Variants in ADGRV1 observed in about 807,000 individuals in gnomAD.
The protein encoded by ADGRV1 is G-protein coupled receptor 98.
Under a neutral mutation model 596.2 loss-of-function variants are expected in ADGRV1, and 359 were observed. That is an observed-to-expected ratio of 0.60 (90% CI 0.55 to 0.66). The LOEUF is 0.66. Among genes scored for constraint, ADGRV1 ranks in the 30% least tolerant of loss-of-function variants. The pLI, the probability that ADGRV1 is intolerant of heterozygous loss-of-function variation, is 0.00. For missense variants in ADGRV1, 7,274 were observed against 7,575.6 expected (o/e 0.96, Z 1.48); for synonymous variants, 2,681 against 2,679.2 (o/e 1.00, Z -0.02).
chr5:91,018,132 G>A (rs1783325499), intron 85 of ADGRV1, among the ~76,000 whole-genome samples: 1 of 151,902 alleles, frequency 6.6e-6, no homozygotes. Context: ...GGTTCTGAAA[G>A]GGAAGGAAAT....
At chr5:90,697,372 G>A (rs143337383) in intron 34 of ADGRV1, among the ~76,000 whole-genome samples, 174 of 152,172 alleles carry the variant, frequency 1.1e-3, no homozygotes, top group African/African-American at 3.9e-3. Context: ...TTCTCTACTG[G>A]TATGATTTTA....
At chr5:90,805,746 T>A (rs998836873) in intron 72 of ADGRV1, among the ~76,000 whole-genome samples, 1 of 152,146 alleles carries the variant, frequency 6.6e-6, no homozygotes, top group African/African-American at 2.4e-5. Flanking sequence ...AGAATCTAAT[T>A]TGGCAAATAC....
chr5:90,794,320 AGTT>A (rs1182325787), intron 70 of ADGRV1, among the ~76,000 whole-genome samples: 14 of 152,350 alleles, frequency 9.2e-5, no homozygotes, highest in Non-Finnish European at 1.6e-4. Flanking sequence ...GCACCTGGTA[AGTT>A]GTTAACACCT....
chr5:90,960,153 AC>A (rs1777886922), intron 83 of ADGRV1, among the ~76,000 whole-genome samples: 1 of 144,454 alleles, frequency 6.9e-6, no homozygotes, highest in Non-Finnish European at 1.5e-5. Context: ...AAAAAAAAAA[AC>A]AAAAAACAGA....
intron 83 of ADGRV1, among the ~76,000 whole-genome samples, chr5:90,956,426 T>C (rs996764246): frequency 3.3e-5 from 5 of 152,170 alleles, no homozygotes; most frequent in African/African-American, 1.2e-4. Context: ...ATCAGTAAAG[T>C]AGTAGAATAC....
intron 1 of ADGRV1, among the ~76,000 whole-genome samples, chr5:90,574,252 A>G (rs1313195856): frequency 1.3e-5 from 2 of 151,850 alleles, no homozygotes; most frequent in East Asian, 1.9e-4. Flanking sequence ...TTTGGTCAGT[A>G]TGGATGTTTT....
At position 90,637,738 on chromosome 5, in the gene ADGRV1, T is replaced by C; in HGVS notation, c.2030T>C (p.Leu677Ser). The C allele has an allele frequency of 6.2e-7, 1 of 1,609,856 alleles. No individual in the cohort carries two copies. Among genetic ancestry groups the C allele is most frequent in the Non-Finnish European group, 8.5e-7 (1 of 1,178,286 alleles). The change falls in exon 11 of 90, where the codon TTA (leucine) becomes TCA (serine). Residue 677 changes from leucine to serine, a missense_variant. Transcript: ENST00000405460. Reference sequence around the variant, plus strand: ...TCTTTTTATAAGGTATACATTCCCTTACATCGGGATGGAACTGATGGCCAG... The same window carrying C: ...TCTTTTTATAAGGTATACATTCCCTCACATCGGGATGGAACTGATGGCCAG... ...DFAAEVVYIP[L>S]HRDGTDGQAT...
At chr5:91,114,976 C>T (rs1022046146) in intron 87 of ADGRV1, among the ~76,000 whole-genome samples, 8 of 152,132 alleles carry the variant, frequency 5.3e-5, no homozygotes, top group Non-Finnish European at 8.8e-5. Flanking sequence ...TTCTGTTCAG[C>T]TTCTAGGCAT....
At chr5:90,596,655 C>T (rs1010495663) in intron 1 of ADGRV1, among the ~76,000 whole-genome samples, 4 of 152,162 alleles carry the variant, frequency 2.6e-5, no homozygotes, top group East Asian at 3.9e-4. Flanking sequence ...TCAGGCGTGG[C>T]GGCGCGCGCC....
At chr5:91,127,747 G>A (rs1167914654) in intron 87 of ADGRV1, among the ~76,000 whole-genome samples, 1 of 152,100 alleles carries the variant, frequency 6.6e-6, no homozygotes, top group Non-Finnish European at 1.5e-5. Flanking sequence ...ACCAGTACTT[G>A]CCCTGAACCA....
intron 85 of ADGRV1, among the ~76,000 whole-genome samples, chr5:91,065,338 A>G (rs1461951063): frequency 6.6e-6 from 1 of 152,198 alleles, no homozygotes; most frequent in Non-Finnish European, 1.5e-5. Context: ...TCTTAGAAGT[A>G]CTCACAAAGA....
intron 83 of ADGRV1, among the ~76,000 whole-genome samples, chr5:90,926,728 G>C (rs1446404318): frequency 6.8e-6 from 1 of 147,916 alleles, no homozygotes; most frequent in South Asian, 2.2e-4. Context: ...GTGATGTTAG[G>C]GTGTCAATTT....
intron 85 of ADGRV1, among the ~76,000 whole-genome samples, chr5:91,037,651 G>A (rs887364317): frequency 1.3e-5 from 2 of 152,166 alleles, no homozygotes; most frequent in African/African-American, 4.8e-5. Context: ...AAGATTATTT[G>A]CAATTTAGAT....
chr5:91,066,064 A>T (rs1787858735), intron 85 of ADGRV1, among the ~76,000 whole-genome samples: 1 of 152,228 alleles, frequency 6.6e-6, no homozygotes, highest in Non-Finnish European at 1.5e-5. Context: ...TACAGAGAAC[A>T]CATTCTCCTC....
chr5:90,973,358 C>T (rs1010041121), intron 84 of ADGRV1, among the ~76,000 whole-genome samples: 3 of 152,148 alleles, frequency 2.0e-5, no homozygotes, highest in African/African-American at 7.2e-5. Flanking sequence ...TTTATGAGGC[C>T]AGCATCATCC....
rs749820539 is a variant in ADGRV1, at chr5:90,629,492, A to G, written c.1792A>G (p.Ile598Val). Residue 598 changes from isoleucine to valine, a missense_variant, in exon 9 of 90, where the codon ATA becomes GTA. This residue lies in a region of ADGRV1 where 1,715 missense variants were observed against 1,708.8 expected (regional missense o/e 1.00). Coordinates refer to ENST00000405460, the MANE Select transcript of ADGRV1 (RefSeq NM_032119.4). ...QKTQVTTKLP[I>V]RNDAFLQNGA... ...AACTCAAGTCACTACAAAATTACCA[A>G]TAAGAAATGATGCATTCCTTCAAAA... is the stretch of plus-strand genomic sequence containing the variant. 14 of 1,613,228 alleles carry G rather than the reference A, an allele frequency of 8.7e-6. No individual in the cohort carries two copies. Among genetic ancestry groups the G allele is most frequent in the Non-Finnish European group, 1.2e-5 (14 of 1,179,670 alleles).
Position 90,756,973 on chromosome 5 carries a change from T to G in ADGRV1, c.11758-6T>G. The G allele has an allele frequency of 1.3e-6, 2 of 1,578,014 alleles. No individual in the cohort carries two copies. Among genetic ancestry groups the G allele is most frequent in the Non-Finnish European group, 1.7e-6 (2 of 1,163,632 alleles). The stretch of plus-strand genomic sequence containing the variant: ...CTTGCCTTTCAATTATATTCTTTAC[T>G]TAAAGGGCGCTGGGGAAGTTATTAC... On this transcript the variant is annotated splice_region_variant and splice_polypyrimidine_tract_variant and intron_variant, in intron 56 of 89. Coordinates refer to ENST00000405460, the MANE Select transcript of ADGRV1 (RefSeq NM_032119.4).
At chr5:90,715,037 G>C (rs1383678878) in intron 42 of ADGRV1, among the ~76,000 whole-genome samples, 1 of 152,170 alleles carries the variant, frequency 6.6e-6, no homozygotes, top group African/African-American at 2.4e-5. Context: ...GGATGGATTT[G>C]ACATCACTGT....
intron 87 of ADGRV1, among the ~76,000 whole-genome samples, chr5:91,144,184 A>G (rs1441249006): frequency 4.6e-5 from 7 of 152,156 alleles, no homozygotes; most frequent in Admixed American, 2.0e-4. Context: ...CACCAGCTCT[A>G]TGGAGTTCAA....
Sources: allele counts gnomAD v4.1 joint callset (sites outside exome capture counted in the v4.1 genomes callset), GRCh38; gene constraint gnomAD v4.1.1; regional missense constraint gnomAD v4.1.1; transcripts MANE v1.5; gene names NCBI Gene and HGNC (gene_info 2026-07-23, HGNC 2026-07-21).